The following TCF3 variants were observed in gnomAD, a reference collection of about 807,000 sequenced individuals.
TCF3 encodes the protein transcription factor 3, also known as transcription factor E2-alpha.
Under a neutral mutation model 72.3 loss-of-function variants are expected in TCF3, and 54 were observed. The ratio of observed to expected loss-of-function variants is 0.75; its 90% CI spans 0.60 to 0.94. TCF3 has a LOEUF of 0.94. Ranked by LOEUF, TCF3 falls within the 40% of genes least tolerant of loss-of-function variation. TCF3 has a pLI of 0.00. For missense variants in TCF3, 1,078 were observed against 934.4 expected (o/e 1.15, Z -2.00); for synonymous variants, 525 against 412.6 (o/e 1.27, Z -3.30).
In TCF3 at chr19:1,650,194, G is replaced by T; in HGVS notation, c.55C>A (p.Leu19Ile). ...PVGTDKELSD[L>I]LDFSMMFPLP... ...TGGCTCACCATGCTGAAGTCCAGGA[G>T]GTCACTGAGCTCCTTGTCTGTGCCC... Residue 19 changes from leucine to isoleucine, a missense_variant, in exon 2 of 19, where the codon CTC (leucine) becomes ATC (isoleucine). Coordinates refer to ENST00000262965, the MANE Select transcript of TCF3 (RefSeq NM_003200.5). 6.4e-7 allele frequency: 1 copy of T among 1,572,350 alleles called. No homozygotes were observed.
At chr19:1,634,205 T>C (rs904492672) in intron 3 of TCF3, among the ~76,000 whole-genome samples, 7 of 152,214 alleles carry the variant, frequency 4.6e-5, no homozygotes, top group Admixed American at 4.6e-4. Context: ...ATTAATACAG[T>C]TATTAAAATC....
Position 1,642,181 on chromosome 19 carries a change from C to T in TCF3, c.145+4174G>A, listed in dbSNP as rs555558843. Among the ~76,000 whole-genome samples the T allele has an allele frequency of 8.8e-5, 13 of 148,198 alleles. No individual in the cohort carries two copies. The South Asian group carries it at 1.1e-3, about 13-fold the overall frequency. On this transcript the variant is annotated intron_variant, in intron 3 of 18. Transcript: ENST00000262965. ...ACACACACACGCACGCGTACACACA[C>T]GCACGCAGACACAGACGCAGACACG...
In TCF3 at chr19:1,632,364, C is replaced by T. The variant is rs143787476; in HGVS notation, c.187G>A (p.Asp63Asn). Residue 63 changes from aspartate (D) to asparagine (N), a missense_variant, in exon 4 of 19, where the codon GAC becomes AAC. Asp to Asn is a conservative substitution (Grantham distance 23). Transcript: ENST00000262965. ...GGGTCAAAGGAGGAGCTGCTCTGGT[C>T]GCCGCTGCCCCAGGAGCCTGAGCTG... ...RPSSGSWGSG[D>N]QSSSSFDPSR... 5.2e-5 allele frequency: 83 copies of T among 1,593,828 alleles called. No individual in the cohort carries two copies. The Admixed American group carries it at 7.7e-4, about 15-fold the overall frequency.
intron 7 of TCF3, among the ~76,000 whole-genome samples, chr19:1,624,832 C>T (rs1599666835): frequency 1.3e-5 from 2 of 152,148 alleles, no homozygotes; most frequent in Admixed American, 6.5e-5. Context: ...CGTTTTTGTG[C>T]TTTTTGTGGG....
chr19:1,643,922 T>G (rs10413888), intron 3 of TCF3, among the ~76,000 whole-genome samples: 86,792 of 152,144 alleles, frequency 0.57, 27,558 homozygotes, highest in East Asian at 0.89. Context: ...GCGGCTGGGG[T>G]ACCCCATCAG....
chr19:1,612,699 A>G (rs2061142278), intron 18 of TCF3, among the ~76,000 whole-genome samples: 1 of 148,758 alleles, frequency 6.7e-6, no homozygotes, highest in African/African-American at 2.5e-5. Flanking sequence ...TGTGGGCAGC[A>G]GTGCGGGTAC....
Position 1,609,415 on chromosome 19 carries a change from C to G in TCF3, c.*2292G>C, listed in dbSNP as rs149325184. 873 of 209,780 alleles carry G rather than the reference C, an allele frequency of 4.2e-3. 8 individuals carry two copies. Among genetic ancestry groups the G allele is most frequent in the African/African-American group, 0.018 (801 of 43,978 alleles). 13.0% of individuals were successfully genotyped at this position (209,780 alleles called of 1,614,324 possible). A position where few individuals can be genotyped will look rare whatever the true frequency, so the allele number is the denominator to read the frequency against. ...CCAGCCAGCTGTGTTGACACGTATA[C>G]AATTATTTTCTTTAAAAAAATTTTT... is the stretch of plus-strand genomic sequence containing the variant. On this transcript the variant is annotated 3_prime_UTR_variant, in exon 19 of 19. Transcript: ENST00000262965.
In TCF3 at chr19:1,609,360, G is replaced by C. The variant is rs1235462582; in HGVS notation, c.*2347C>G. 2 of 201,210 alleles carry C rather than the reference G, an allele frequency of 9.9e-6. No individual in the cohort carries two copies. The highest frequency in any genetic ancestry group is 2.0e-5 in the Non-Finnish European group (2 of 97,880). 12.5% of individuals were successfully genotyped at this position (201,210 alleles called of 1,614,324 possible). The stretch of plus-strand genomic sequence containing the variant: ...ACAGGACAGGTCTCTGAATCCACCT[G>C]AAAGAGGGTCGTTTTAAAGTCCCAA... On this transcript the variant is annotated 3_prime_UTR_variant, in exon 19 of 19. Coordinates refer to ENST00000262965, the MANE Select transcript of TCF3 (RefSeq NM_003200.5).
At chr19:1,643,468 G>A (rs1029317310) in intron 3 of TCF3, among the ~76,000 whole-genome samples, 1 of 152,108 alleles carries the variant, frequency 6.6e-6, no homozygotes, top group African/African-American at 2.4e-5. Context: ...CGATCCTTCC[G>A]CCTTGGTCCC....
At chr19:1,632,165 C>T (rs1266589266) in intron 4 of TCF3, 49 bp from the exon 5 acceptor site, 8 of 1,588,540 alleles carry the variant, frequency 5.0e-6, no homozygotes, top group Admixed American at 1.8e-5. Flanking sequence ...TCACAGGCCC[C>T]CCCTCCACCC....
At chr19:1,638,340 A>C (rs2064751682) in intron 3 of TCF3, among the ~76,000 whole-genome samples, 3 of 152,240 alleles carry the variant, frequency 2.0e-5, no homozygotes. Context: ...CAAATACACA[A>C]TTATGAACAG....
intron 2 of TCF3, among the ~76,000 whole-genome samples, chr19:1,648,757 A>C (rs1600180116): frequency 6.6e-6 from 1 of 152,078 alleles, no homozygotes; most frequent in East Asian, 1.9e-4. Flanking sequence ...GGGAGGGTTA[A>C]ATTCAGACTG....
rs2066093388 is a variant in TCF3, at chr19:1,646,336, C to A, written c.145+19G>T. On this transcript the variant is annotated intron_variant, in intron 3 of 18. Transcript: ENST00000262965. Reference sequence around the variant, plus strand: ...GATCTCCTCACTCCACGAGCGCTGGCAGGAAGGCGGGGTCCTACCTGAACC... The same window carrying A: ...GATCTCCTCACTCCACGAGCGCTGGAAGGAAGGCGGGGTCCTACCTGAACC... The A allele has an allele frequency of 1.9e-6, 3 of 1,549,894 alleles. No individual in the cohort carries two copies. In the East Asian group the frequency reaches 7.3e-5, roughly 38 times the overall value.
At chr19:1,619,027 TCCCA>T in intron 16 of TCF3, 80 bp downstream of exon 16, 1 of 1,583,118 alleles carries the variant, frequency 6.3e-7, no homozygotes, top group Non-Finnish European at 8.5e-7. Flanking sequence ...TGCCCTGGGC[TCCCA>T]CCCTGACCCC....
chr19:1,621,210 G>A lies in TCF3; in HGVS notation c.956-19C>T, dbSNP rs1352430740. Reference sequence around the variant, plus strand: ...CGGGAGCCTGTGGGTGAAGAGAGGTGAGGCCCACGCAGCCCGGCCTGGGTG... The same window carrying A: ...CGGGAGCCTGTGGGTGAAGAGAGGTAAGGCCCACGCAGCCCGGCCTGGGTG... On this transcript the variant is annotated intron_variant, in intron 11 of 18. Transcript: ENST00000262965. 1 of 1,533,592 alleles carries A rather than the reference G, an allele frequency of 6.5e-7. No individual in the cohort carries two copies. Among genetic ancestry groups the A allele is most frequent in the Non-Finnish European group, 8.7e-7 (1 of 1,145,424 alleles). The allele number at this position is 1,533,592 out of a possible 1,614,324, so 95.0% of individuals were successfully genotyped here.
intron 2 of TCF3, among the ~76,000 whole-genome samples, chr19:1,648,474 G>A (rs1229800777): frequency 6.6e-6 from 1 of 152,178 alleles, no homozygotes; most frequent in Non-Finnish European, 1.5e-5. Context: ...GTCAGGTCCT[G>A]GGGCTGAACC....
rs966023629 is a variant in TCF3, at chr19:1,610,496, G to A, written c.*1211C>T. On this transcript the variant is annotated 3_prime_UTR_variant, in exon 19 of 19. Transcript: ENST00000262965. ...AGCCAGAGTTCAGAGCATGAGCCTG[G>A]GTCCCTGGGGCAAAGGAGTGAAGGA... is the stretch of plus-strand genomic sequence containing the variant. 85 of 231,480 alleles carry A rather than the reference G, an allele frequency of 3.7e-4. No homozygotes were observed. The highest frequency in any genetic ancestry group is 1.8e-3 in the African/African-American group (80 of 45,310). 14.3% of individuals were successfully genotyped at this position (231,480 alleles called of 1,614,324 possible).
In TCF3 at chr19:1,615,213, AAGG is replaced by A; in HGVS notation, c.1822+69_1822+71del. 2.7e-6 allele frequency: 4 copies of A among 1,497,824 alleles called. No homozygotes were observed. In the East Asian group the frequency reaches 9.3e-5, roughly 35 times the overall value. The allele number at this position is 1,497,824 out of a possible 1,614,324, so 92.8% of individuals were successfully genotyped here. On this transcript the variant is annotated intron_variant, in intron 18 of 18. Transcript: ENST00000262965. This position sits in a 1 kb window ranked among gnomAD's most constrained non-coding sequence, Gnocchi z 7.3. Reference sequence around the variant, plus strand: ...GCTGGCTCCAGGAAGGCGGGCGGGGAAGGAGAACGAGGGCAGGAACACGAGGGA... The same window carrying A: ...GCTGGCTCCAGGAAGGCGGGCGGGGAAGAACGAGGGCAGGAACACGAGGGA...
At chr19:1,651,942 G>A (rs1002556329) in intron 1 of TCF3, among the ~76,000 whole-genome samples, 28 of 151,034 alleles carry the variant, frequency 1.9e-4, no homozygotes, top group Non-Finnish European at 2.1e-4. Context: ...GAGAAAGGGG[G>A]CGCCCCGGGG....
Sources: allele counts gnomAD v4.1 joint callset (sites outside exome capture counted in the v4.1 genomes callset), GRCh38; gene constraint gnomAD v4.1.1; non-coding constraint Gnocchi (gnomAD v3.1); transcripts MANE v1.5; gene names NCBI Gene and HGNC (gene_info 2026-07-23, HGNC 2026-07-21).